The following CLPP variants were observed in gnomAD, a reference collection of about 807,000 sequenced individuals.
CLPP encodes caseinolytic mitochondrial matrix peptidase proteolytic subunit.
A neutral mutation model predicts 27.4 loss-of-function variants in CLPP; 14 were observed. That is an observed-to-expected ratio of 0.51 (90% confidence interval 0.34 to 0.80). CLPP has a LOEUF of 0.80. CLPP is among the 30% of genes least tolerant of loss of function. The probability of loss-of-function intolerance (pLI) is 0.02; values close to 1 mark genes in which losing one functional copy is unlikely to be tolerated. For synonymous variants in CLPP, 193 were observed against 166.6 expected, an observed-to-expected ratio of 1.16 and a Z score of -1.22; for missense variants, 361 against 403.6, an observed-to-expected ratio of 0.89 and a Z score of 0.90.
At chr19:6,367,056 T>C (rs2091865989) in intron 5 of CLPP, among the ~76,000 whole-genome samples, 1 of 151,374 alleles carries the variant, frequency 6.6e-6, no homozygotes, top group South Asian at 2.1e-4. Context: ...CTGGGCAATA[T>C]AGTGAAACCC....
At chr19:6,366,745 TCTC>T (rs1242877674) in intron 5 of CLPP, among the ~76,000 whole-genome samples, 1 of 151,758 alleles carries the variant, frequency 6.6e-6, no homozygotes, top group East Asian at 2.0e-4. Context: ...CTCAAGCAAT[TCTC>T]CTGCCTCAGC....
At position 6,368,763 on chromosome 19, in the gene CLPP, C is replaced by G; in HGVS notation, c.*53C>G. On this transcript the variant is annotated 3_prime_UTR_variant, in exon 6 of 6. Transcript: ENST00000245816. ...TGGAGGGGCCAGAGGCCTGCCAGACCCCCAGCTGGGCCCTGCTCACCCCTT... is the reference window on the plus strand; with the variant it reads ...TGGAGGGGCCAGAGGCCTGCCAGACGCCCAGCTGGGCCCTGCTCACCCCTT... The G allele has an allele frequency of 2.0e-6, 3 of 1,507,820 alleles. No homozygotes were observed. The East Asian group carries it at 7.4e-5, about 37-fold the overall frequency. 93.4% of individuals were successfully genotyped at this position (1,507,820 alleles called of 1,614,324 possible). A position where few individuals can be genotyped will look rare whatever the true frequency, so the allele number is the denominator to read the frequency against.
At chr19:6,362,395 A>G (rs769771514) in intron 2 of CLPP, 51 bp from the exon 3 acceptor site, 34 of 1,340,776 alleles carry the variant, frequency 2.5e-5, no homozygotes, top group Non-Finnish European at 3.4e-5. Context: ...CTCCCTTAAA[A>G]CTCTCTCCCC....
intron 5 of CLPP, 126 bp from the exon 6 acceptor site, chr19:6,368,412 G>A (rs1266177825): frequency 3.2e-5 from 29 of 898,692 alleles, no homozygotes; most frequent in Non-Finnish European, 5.1e-5. Context: ...ATCCCACTAG[G>A]GGATGGGGCT....
intron 2 of CLPP, 66 bp downstream of exon 2, chr19:6,362,006 C>T (rs1269611594): frequency 6.9e-6 from 10 of 1,441,170 alleles, no homozygotes; most frequent in South Asian, 2.4e-5. Context: ...TCCCTGCGCC[C>T]CTCCTTCCCT....
chr19:6,369,720 G>A lies in CLPP; in HGVS notation c.*1010G>A, dbSNP rs1042810514. Reference sequence around the variant, plus strand: ...CAGGCGTGATGGTGCACTTGAACCCGGGAGGCAGAGGTTGCAGTGAGCCAA... The same window carrying A: ...CAGGCGTGATGGTGCACTTGAACCCAGGAGGCAGAGGTTGCAGTGAGCCAA... On this transcript the variant is annotated 3_prime_UTR_variant, in exon 6 of 6. Coordinates refer to ENST00000245816, the MANE Select transcript of CLPP (RefSeq NM_006012.4). Among the ~76,000 whole-genome samples the A allele has an allele frequency of 3.3e-5, 5 of 151,400 alleles. No individual in the cohort carries two copies. Among genetic ancestry groups the A allele is most frequent in the South Asian group, 2.1e-4 (1 of 4,778 alleles).
chr19:6,362,218 T>G, intron 2 of CLPP: 1 of 592,038 alleles, frequency 1.7e-6, no homozygotes. Flanking sequence ...TTCTCACCCC[T>G]TCCTTTCCTG....
intron 2 of CLPP, 83 bp downstream of exon 2, chr19:6,362,023 A>G: frequency 7.6e-7 from 1 of 1,313,030 alleles, no homozygotes; most frequent in Non-Finnish European, 1.1e-6. Flanking sequence ...CCCTGGCCCC[A>G]GACTTTCCCT....
chr19:6,362,599 A>G, intron 3 of CLPP, 57 bp downstream of exon 3: 1 of 1,179,532 alleles, frequency 8.5e-7, no homozygotes, highest in South Asian at 1.2e-5. Context: ...CGGGTGACTC[A>G]GGGGACCAGA....
Position 6,369,028 on chromosome 19 carries a change from C to T in CLPP, c.*318C>T. 3.2e-6 allele frequency: 1 copy of T among 317,290 alleles called. No individual in the cohort carries two copies. Among genetic ancestry groups the T allele is most frequent in the East Asian group, 6.8e-5 (1 of 14,648 alleles). The allele number at this position is 317,290 out of a possible 1,614,324, so 19.7% of individuals were successfully genotyped here. On this transcript the variant is annotated 3_prime_UTR_variant, in exon 6 of 6. Transcript: ENST00000245816. ...CCATGTCTTCCTTCAACAGATTCTC[C>T]TGATCATATCCTATATTCCAGGCAG...
At position 6,368,685 on chromosome 19, in the gene CLPP, C is replaced by T. The variant is rs1158251949; in HGVS notation, c.809C>T (p.Ala270Val). 1 of 1,560,158 alleles carries T rather than the reference C, an allele frequency of 6.4e-7. No individual in the cohort carries two copies. Among genetic ancestry groups the T allele is most frequent in the East Asian group, 2.4e-5 (1 of 41,374 alleles). ...GAGCCTGTAGAAGCAGCGCCGGCAG[C>T]AGAACCTGTCCCAGCTAGCACCTGA... ...QKEPVEAAPA[A>V]EPVPAST The change falls in exon 6 of 6, where the codon GCA (alanine) becomes GTA (valine). Residue 270 changes from alanine (A) to valine (V), a missense_variant. Ala to Val is a moderately conservative substitution (Grantham distance 64). This residue lies in a region of CLPP where 213 missense variants were observed against 280.9 expected (regional missense o/e 0.76). Transcript: ENST00000245816.
chr19:6,362,924 C>CA, intron 3 of CLPP, among the ~76,000 whole-genome samples: 1 of 151,848 alleles, frequency 6.6e-6, no homozygotes, highest in East Asian at 1.9e-4. Context: ...CCCATCTCTA[C>CA]AAAAAAAGTA....
rs1001714686 is a variant in CLPP, at chr19:6,362,197, C to T, written c.271-249C>T. 1.2e-5 allele frequency: 7 copies of T among 602,602 alleles called. No homozygotes were observed. In the East Asian group the frequency reaches 1.9e-4, roughly 17 times the overall value. The allele number at this position is 602,602 out of a possible 1,614,324, so 37.3% of individuals were successfully genotyped here. On this transcript the variant is annotated intron_variant, in intron 2 of 5. Coordinates refer to ENST00000245816, the MANE Select transcript of CLPP (RefSeq NM_006012.4). ...TCCCCTCATTCCTACGCTCAAGACT[C>T]TCCCCAGCCATTCTCACCCCTTCCT...
intron 4 of CLPP, 90 bp downstream of exon 4, chr19:6,364,729 ATGTTT>A: frequency 3.2e-6 from 3 of 946,242 alleles, no homozygotes; most frequent in Non-Finnish European, 4.5e-6. Flanking sequence ...GTGGGAGGGG[ATGTTT>A]TTTTTTTTTT....
chr19:6,368,396 A>T, intron 5 of CLPP, 142 bp from the exon 6 acceptor site: 1 of 799,366 alleles, frequency 1.3e-6, no homozygotes, highest in Non-Finnish European at 2.0e-6. Context: ...CCCATCTCCA[A>T]ATCCCATCCC....
intron 5 of CLPP, among the ~76,000 whole-genome samples, chr19:6,367,726 T>G (rs2091869526): frequency 6.6e-6 from 1 of 151,716 alleles, no homozygotes; most frequent in Non-Finnish European, 1.5e-5. Context: ...TAACAATTTT[T>G]TTTTTTTTTT....
intron 5 of CLPP, among the ~76,000 whole-genome samples, chr19:6,367,152 G>A (rs952413530): frequency 2.6e-5 from 4 of 151,814 alleles, no homozygotes; most frequent in African/African-American, 7.3e-5. Flanking sequence ...CGAGGTGGGC[G>A]GATCACGAGG....
chr19:6,363,589 GAAC>G (rs1312499882), intron 3 of CLPP, among the ~76,000 whole-genome samples: 2 of 152,182 alleles, frequency 1.3e-5, no homozygotes, highest in South Asian at 4.1e-4. Context: ...TTGTGTTTGT[GAAC>G]CCTGCTTTAA....
chr19:6,366,208 C>T, intron 4 of CLPP, 50 bp from the exon 5 acceptor site: 1 of 1,328,210 alleles, frequency 7.5e-7, no homozygotes, highest in Non-Finnish European at 1.1e-6. Flanking sequence ...CTGTGAGGGG[C>T]TGACGCCGAT....
Sources: allele counts gnomAD v4.1 joint callset (sites outside exome capture counted in the v4.1 genomes callset), GRCh38; gene constraint gnomAD v4.1.1; regional missense constraint gnomAD v4.1.1; transcripts MANE v1.5; gene names NCBI Gene and HGNC (gene_info 2026-07-23, HGNC 2026-07-21).